Variants in ZNF765 observed in about 807,000 individuals in gnomAD.
ZNF765 encodes the protein zinc finger protein 765.
In ZNF765, 37 loss-of-function variants were observed where a neutral mutation model predicts 44.7. The observed-to-expected ratio is 0.83, with a 90% CI of 0.64 to 1.09. ZNF765 has a LOEUF of 1.09. Among genes scored for constraint, ZNF765 ranks in the 50% least tolerant of loss-of-function variants. ZNF765 has a pLI of 0.00. For missense variants in ZNF765, 594 were observed against 626.1 expected (o/e 0.95, Z 0.55); for synonymous variants, 201 against 213.7 (o/e 0.94, Z 0.52).
intron 2 of ZNF765, among the ~76,000 whole-genome samples, chr19:53,401,705 G>A (rs938563171): frequency 2.0e-5 from 3 of 152,090 alleles, no homozygotes; most frequent in African/African-American, 4.8e-5. Flanking sequence ...GTGAAACCCC[G>A]TTTCTGCTAA....
At chr19:53,414,556 C>T (rs1037278880), downstream of ZNF765, among the ~76,000 whole-genome samples, 1 of 146,846 alleles carries the variant, frequency 6.8e-6, no homozygotes, top group African/African-American at 2.5e-5. Context: ...CCACAAACTG[C>T]GGGCTCCCAG....
Position 53,421,437 on chromosome 19 carries a change from G to A in ZNF765, c.143-1625G>A, listed in dbSNP as rs573152687. On this transcript the variant is annotated intron_variant, in intron 3 of 3. Coordinates refer to the ZNF765 transcript ENST00000594030. ...CTCTTATTTCTTTTCTCAGCCTCTC[G>A]TCCCAACTGACAAGAAACATCCACA... Among the ~76,000 whole-genome samples, 17 of 152,240 alleles carry A rather than the reference G, an allele frequency of 1.1e-4. No individual in the cohort carries two copies. The East Asian group carries it at 2.1e-3, about 19-fold the overall frequency.
At chr19:53,420,055 C>T (rs568413899) in intron 3 of ZNF765, among the ~76,000 whole-genome samples, 204 of 150,486 alleles carry the variant, frequency 1.4e-3, no homozygotes, top group African/African-American at 1.6e-3. Context: ...TAAATGTGGC[C>T]GGGTGCAGTG....
chr19:53,396,057 CAG>C (rs993764571), intron 1 of ZNF765, among the ~76,000 whole-genome samples: 3 of 149,604 alleles, frequency 2.0e-5, no homozygotes, highest in Admixed American at 1.3e-4. Context: ...GGTAGATGTA[CAG>C]AGAGATGAAG....
chr19:53,399,518 C>CT (rs1398800796), intron 2 of ZNF765, among the ~76,000 whole-genome samples: 3 of 151,870 alleles, frequency 2.0e-5, no homozygotes, highest in East Asian at 1.9e-4. Context: ...AAAAAAATAA[C>CT]TTTTTTACAA....
In ZNF765 at chr19:53,395,463, C is replaced by T. The variant is rs146614160; in HGVS notation, c.-74+270C>T. Reference sequence around the variant, plus strand: ...TCCTGCTCTGAAACTTTTTCTGACTCCTCCCGTCCCGCGCTTTTTAAAGTC... The same window carrying T: ...TCCTGCTCTGAAACTTTTTCTGACTTCTCCCGTCCCGCGCTTTTTAAAGTC... On this transcript the variant is annotated intron_variant, in intron 1 of 3. Coordinates refer to ENST00000396408, the MANE Select transcript of ZNF765 (RefSeq NM_001040185.3). 3.8e-4 allele frequency among the ~76,000 whole-genome samples: 58 copies of T among 152,338 alleles called. No homozygotes were observed. The East Asian group carries it at 0.011, about 28-fold the overall frequency.
chr19:53,404,049 A>G (rs1468874279), intron 3 of ZNF765, among the ~76,000 whole-genome samples: 1 of 152,190 alleles, frequency 6.6e-6, no homozygotes, highest in African/African-American at 2.4e-5. Context: ...CAGTTTCTGT[A>G]TGTGTCCTGT....
Position 53,407,931 on chromosome 19 carries a change from TATG to T in ZNF765, c.379_381del (p.Asp127del). 1 of 1,614,164 alleles carries T rather than the reference TATG, an allele frequency of 6.2e-7. No homozygotes were observed. The highest frequency in any genetic ancestry group is 8.5e-7 in the Non-Finnish European group (1 of 1,180,034). On this transcript the variant is annotated inframe_deletion, in exon 4 of 4. Coordinates refer to ENST00000396408, the MANE Select transcript of ZNF765 (RefSeq NM_001040185.3). ...AAAGTTGACAGGTAGTACAGAGCGA[TATG>T]ATCAAAATTATGCTGGAAACAAGCC...
intron 3 of ZNF765, among the ~76,000 whole-genome samples, chr19:53,405,939 A>G (rs1278426152): frequency 8.4e-5 from 8 of 95,576 alleles, no homozygotes; most frequent in African/African-American, 3.1e-4. Flanking sequence ...ATATATATAT[A>G]TATATATATA....
At chr19:53,422,437 T>C (rs1357423792) in intron 3 of ZNF765, among the ~76,000 whole-genome samples, 1 of 152,180 alleles carries the variant, frequency 6.6e-6, no homozygotes, top group Non-Finnish European at 1.5e-5. Context: ...TGTCTGTTCT[T>C]CACAGCAAAG....
downstream of ZNF765, among the ~76,000 whole-genome samples, chr19:53,412,387 A>G (rs1332114779): frequency 5.3e-5 from 8 of 152,206 alleles, no homozygotes. Context: ...TTGAATATCT[A>G]CAATCCTTTT....
At chr19:53,406,387 G>A (rs1437709639) in intron 3 of ZNF765, among the ~76,000 whole-genome samples, 1 of 151,960 alleles carries the variant, frequency 6.6e-6, no homozygotes, top group Non-Finnish European at 1.5e-5. Context: ...TAAGTCAGAA[G>A]GTAGTGATCT....
intron 3 of ZNF765, among the ~76,000 whole-genome samples, chr19:53,420,293 C>T (rs1214899919): frequency 6.6e-6 from 1 of 152,184 alleles, no homozygotes; most frequent in Non-Finnish European, 1.5e-5. Context: ...GATCGCACCA[C>T]TGCACTCCAG....
rs2085826332 is a variant in ZNF765, at chr19:53,410,765, A to C, written c.*1638A>C. 1 of 442,434 alleles carries C rather than the reference A, an allele frequency of 2.3e-6. No individual in the cohort carries two copies. The highest frequency in any genetic ancestry group is 4.6e-6 in the Non-Finnish European group (1 of 215,760). The allele number at this position is 442,434 out of a possible 1,614,324, so 27.4% of individuals were successfully genotyped here. A position where few individuals can be genotyped will look rare whatever the true frequency, so the allele number is the denominator to read the frequency against. On this transcript the variant is annotated 3_prime_UTR_variant, in exon 4 of 4. Coordinates refer to ENST00000396408, the MANE Select transcript of ZNF765 (RefSeq NM_001040185.3). ...ACTGGAGAGAAACCTTACAAATGTC[A>C]TGATTGTGACAAGGTCTCAGTCAAG...
chr19:53,398,513 T>C (rs1452487207), intron 2 of ZNF765, among the ~76,000 whole-genome samples: 1 of 152,230 alleles, frequency 6.6e-6, no homozygotes, highest in African/African-American at 2.4e-5. Flanking sequence ...ACTGTGTTTC[T>C]GACTCCAACT....
chr19:53,409,365 T>C lies in ZNF765; in HGVS notation c.*238T>C. ...TCATAAACTTCATAGTGGAGAGACC[T>C]TACAAATGTGAAGAATGTGAAGAAG... On this transcript the variant is annotated 3_prime_UTR_variant, in exon 4 of 4. Transcript: ENST00000396408. 2 of 838,814 alleles carry C rather than the reference T, an allele frequency of 2.4e-6. No homozygotes were observed. Among genetic ancestry groups the C allele is most frequent in the Non-Finnish European group, 4.2e-6 (2 of 480,644 alleles). 52.0% of individuals were successfully genotyped at this position (838,814 alleles called of 1,614,324 possible). A position where few individuals can be genotyped will look rare whatever the true frequency, so the allele number is the denominator to read the frequency against.
rs1486406946 is a variant in ZNF765 at position 53,411,960 on chromosome 19, G to A, written c.*2833G>A. On this transcript the variant is annotated 3_prime_UTR_variant, in exon 4 of 4. Transcript: ENST00000396408. ...TTGACTCTTTGTGATTTTCTGCACA[G>A]AAGATCATGTCGTCTACAAACAAAT... is the stretch of plus-strand genomic sequence containing the variant. 2 of 161,206 alleles carry A rather than the reference G, an allele frequency of 1.2e-5. No individual in the cohort carries two copies. Among genetic ancestry groups the A allele is most frequent in the Non-Finnish European group, 2.7e-5 (2 of 73,774 alleles). The allele number at this position is 161,206 out of a possible 1,614,324, so 10.0% of individuals were successfully genotyped here.
intron 2 of ZNF765, among the ~76,000 whole-genome samples, chr19:53,400,847 T>C (rs1415735773): frequency 1.3e-5 from 2 of 150,760 alleles, no homozygotes; most frequent in South Asian, 4.2e-4. Flanking sequence ...TTTTCTTTTG[T>C]TTTGAGACTG....
chr19:53,410,931 C>A lies in ZNF765; in HGVS notation c.*1804C>A. ...TACTGGACAGAAATCTTATAAATGTCATCAGTGTGCCAAAGTCTTCAGTCT... is the reference window on the plus strand; with the variant it reads ...TACTGGACAGAAATCTTATAAATGTAATCAGTGTGCCAAAGTCTTCAGTCT... On this transcript the variant is annotated 3_prime_UTR_variant, in exon 4 of 4. Transcript: ENST00000396408. 1 of 422,870 alleles carries A rather than the reference C, an allele frequency of 2.4e-6. No homozygotes were observed. The highest frequency in any genetic ancestry group is 4.8e-6 in the Non-Finnish European group (1 of 208,658). The allele number at this position is 422,870 out of a possible 1,614,324, so 26.2% of individuals were successfully genotyped here.
Sources: allele counts gnomAD v4.1 joint callset (sites outside exome capture counted in the v4.1 genomes callset), GRCh38; gene constraint gnomAD v4.1.1; transcripts MANE v1.5; gene names NCBI Gene and HGNC (gene_info 2026-07-23, HGNC 2026-07-21).